The following CA1 variants were observed in gnomAD, a reference collection of about 807,000 sequenced individuals.
CA1 encodes the protein carbonate dehydratase I.
In CA1, 27 loss-of-function variants were observed where a neutral mutation model predicts 28.8. That is an observed-to-expected ratio of 0.94 (90% CI 0.69 to 1.29). The LOEUF is 1.29. Ranked by LOEUF, CA1 falls within the 50% of genes most tolerant of loss-of-function variation. The pLI is 0.00. For missense variants in CA1, 335 were observed against 310.5 expected (o/e 1.08, Z -0.59); for synonymous variants, 121 against 108.8 (o/e 1.11, Z -0.70).
intron 1 of CA1, among the ~76,000 whole-genome samples, chr8:85,352,770 G>A (rs141196011): frequency 0.024 from 3,618 of 151,470 alleles, 140 homozygotes; most frequent in African/African-American, 0.083. Flanking sequence ...AGATTCAAGT[G>A]ATTCTCGTGC....
intron 1 of CA1, among the ~76,000 whole-genome samples, chr8:85,368,138 AAAATT>A (rs1444908520): frequency 7.3e-5 from 11 of 151,674 alleles, no homozygotes; most frequent in East Asian, 3.9e-4. Context: ...TTAAAATTAA[AAAATT>A]AAATTAAATT....
At chr8:85,373,433 C>G (rs999472940) in intron 1 of CA1, 1 of 152,174 alleles carries the variant, frequency 6.6e-6, no homozygotes, top group East Asian at 1.9e-4. Flanking sequence ...GTCATCTCAT[C>G]ACAGAGGCAT....
At chr8:85,329,133 G>A (rs1315851914) in intron 7 of CA1, among the ~76,000 whole-genome samples, 2 of 152,128 alleles carry the variant, frequency 1.3e-5, no homozygotes, top group African/African-American at 2.4e-5. Flanking sequence ...ATGTCAGTTA[G>A]CAACAGGCTA....
intron 1 of CA1, among the ~76,000 whole-genome samples, chr8:85,345,834 T>C (rs1809158958): frequency 1.3e-5 from 2 of 152,124 alleles, no homozygotes. Context: ...CAGTCATTAC[T>C]GGGAGAATGA....
Position 85,335,580 on chromosome 8 carries a change from A to G in CA1, c.354+1365T>C, listed in dbSNP as rs118099842. ...CTCTCAAACCTATTGTCTTATAGGT[A>G]TCTCAAGAAGGTTTATTGAACTGAA... On this transcript the variant is annotated intron_variant, in intron 4 of 7. Coordinates refer to ENST00000523022, the MANE Select transcript of CA1 (RefSeq NM_001128831.4). 9.3e-3 allele frequency among the ~76,000 whole-genome samples: 1,415 copies of G among 152,290 alleles called. 17 individuals are homozygous for G. Among genetic ancestry groups the G allele is most frequent in the East Asian group, 0.062 (322 of 5,176 alleles).
chr8:85,360,924 A>G (rs1809770021), intron 1 of CA1, among the ~76,000 whole-genome samples: 1 of 152,148 alleles, frequency 6.6e-6, no homozygotes, highest in African/African-American at 2.4e-5. Flanking sequence ...ATCTGCCATC[A>G]CCATTTCTCT....
At chr8:85,347,225 G>A (rs929092505) in intron 1 of CA1, among the ~76,000 whole-genome samples, 2 of 152,266 alleles carry the variant, frequency 1.3e-5, no homozygotes, top group East Asian at 1.9e-4. Context: ...CCAATGTATG[G>A]TTTGTAAATC....
chr8:85,333,868 A>T (rs1396158156), intron 4 of CA1, among the ~76,000 whole-genome samples: 1 of 152,200 alleles, frequency 6.6e-6, no homozygotes, highest in African/African-American at 2.4e-5. Context: ...TTGTTATTTA[A>T]TATTACTCCT....
At chr8:85,345,617 A>G (rs1164491264) in intron 1 of CA1, among the ~76,000 whole-genome samples, 2 of 152,192 alleles carry the variant, frequency 1.3e-5, no homozygotes, top group African/African-American at 2.4e-5. Flanking sequence ...AAACTATTGT[A>G]TATTTTTAAA....
intron 3 of CA1, 34 bp downstream of exon 3, chr8:85,338,218 A>G: frequency 6.4e-7 from 1 of 1,566,274 alleles, no homozygotes. Flanking sequence ...AGTAGACTGT[A>G]AGAAAAAAAT....
At chr8:85,363,896 T>C (rs541818828) in intron 1 of CA1, among the ~76,000 whole-genome samples, 34 of 152,352 alleles carry the variant, frequency 2.2e-4, no homozygotes, top group Non-Finnish European at 4.4e-4. Context: ...TCAGATCTAC[T>C]TTTCCAGATT....
At chr8:85,353,569 G>A (rs1809490821) in intron 1 of CA1, among the ~76,000 whole-genome samples, 1 of 151,740 alleles carries the variant, frequency 6.6e-6, no homozygotes. Flanking sequence ...TTAGAATTTG[G>A]CCCTATTACT....
At chr8:85,359,412 C>T (rs1809713444) in intron 1 of CA1, among the ~76,000 whole-genome samples, 1 of 152,156 alleles carries the variant, frequency 6.6e-6, no homozygotes, top group Non-Finnish European at 1.5e-5. Context: ...ATCTATGAGT[C>T]AGTGACTTCA....
At chr8:85,362,489 G>A (rs1809835421) in intron 1 of CA1, among the ~76,000 whole-genome samples, 1 of 152,142 alleles carries the variant, frequency 6.6e-6, no homozygotes, top group Admixed American at 6.5e-5. Flanking sequence ...TATTGAGGAG[G>A]AAACAGGCCA....
chr8:85,337,773 A>G (rs984635882), intron 3 of CA1, among the ~76,000 whole-genome samples: 7 of 152,220 alleles, frequency 4.6e-5, no homozygotes, highest in African/African-American at 1.4e-4. Flanking sequence ...TTAATAAAAT[A>G]TTCAATAAAC....
At chr8:85,373,809 A>G (rs575297511) in intron 1 of CA1, among the ~76,000 whole-genome samples, 1 of 152,328 alleles carries the variant, frequency 6.6e-6, no homozygotes, top group South Asian at 2.1e-4. Context: ...ACACTATGCT[A>G]AGTGAAATAA....
At chr8:85,376,271 A>G (rs1810412710) in intron 1 of CA1, among the ~76,000 whole-genome samples, 1 of 152,174 alleles carries the variant, frequency 6.6e-6, no homozygotes, top group Non-Finnish European at 1.5e-5. Context: ...CAGAGGTTGC[A>G]GTGAGCAGAG....
At chr8:85,366,533 G>A (rs919802564) in intron 1 of CA1, among the ~76,000 whole-genome samples, 2 of 152,136 alleles carry the variant, frequency 1.3e-5, no homozygotes, top group Admixed American at 6.6e-5. Flanking sequence ...GCGGAAGCAC[G>A]AAGTACTCCA....
rs536855468 is a variant in CA1 at position 85,344,145 on chromosome 8, ATATATTATATACTG to A, written c.-24-2500_-24-2487del. Among the ~76,000 whole-genome samples, 772 of 135,798 alleles carry A rather than the reference ATATATTATATACTG, an allele frequency of 5.7e-3. 10 individuals are homozygous for A. Among genetic ancestry groups the A allele is most frequent in the East Asian group, 0.049 (237 of 4,812 alleles). The allele number at this position is 135,798 out of a possible 152,430, so 89.1% of individuals were successfully genotyped here. ...AAAATTTAAATTTATATATATAATT[ATATATTATATACTG>A]TATATTATATACTGTATATAATATA... On this transcript the variant is annotated intron_variant, in intron 1 of 7. Coordinates refer to ENST00000523022, the MANE Select transcript of CA1 (RefSeq NM_001128831.4).
Sources: allele counts gnomAD v4.1 joint callset (sites outside exome capture counted in the v4.1 genomes callset), GRCh38; gene constraint gnomAD v4.1.1; transcripts MANE v1.5; gene names NCBI Gene and HGNC (gene_info 2026-07-23, HGNC 2026-07-21).